ZMIZ1: variants seen among roughly 807,000 people sequenced by gnomAD.
ZMIZ1 encodes the protein zinc finger MIZ-type containing 1.
A neutral mutation model predicts 113.9 loss-of-function variants in ZMIZ1; 17 were observed. That is an observed-to-expected ratio of 0.15 (90% CI 0.10 to 0.22). The LOEUF (loss-of-function observed/expected upper bound fraction) is 0.22. Ranked by LOEUF, ZMIZ1 falls within the 10% of genes least tolerant of loss-of-function variation. The probability of loss-of-function intolerance (pLI) is 1.00; values close to 1 mark genes in which losing one functional copy is unlikely to be tolerated. For missense variants in ZMIZ1, 1,059 were observed against 1,477.8 expected (o/e 0.72, Z 4.65); for synonymous variants, 607 against 603.1 (o/e 1.01, Z -0.09).
At chr10:79,301,061 T>G in intron 17 of ZMIZ1, 119 bp downstream of exon 17, 7 of 1,411,194 alleles carry the variant, frequency 5.0e-6, no homozygotes, top group Non-Finnish European at 6.7e-6. Context: ...ACCACCCCCG[T>G]GCCCACAGCC....
At chr10:79,213,927 G>A (rs1169511563) in intron 6 of ZMIZ1, among the ~76,000 whole-genome samples, 1 of 152,134 alleles carries the variant, frequency 6.6e-6, no homozygotes, top group East Asian at 1.9e-4. Flanking sequence ...TATGTACGTG[G>A]GAGCCAGCAT....
At chr10:79,130,275 A>G (rs2132368407) in intron 2 of ZMIZ1, among the ~76,000 whole-genome samples, 1 of 152,332 alleles carries the variant, frequency 6.6e-6, no homozygotes, top group South Asian at 2.1e-4. Flanking sequence ...GAGCTCAGAA[A>G]GGCTGCCCAG....
chr10:79,297,731 G>A (rs1853996769), intron 14 of ZMIZ1, 41 bp downstream of exon 14: 1 of 1,575,058 alleles, frequency 6.3e-7, no homozygotes, highest in Non-Finnish European at 8.7e-7. Context: ...GCCACAGGGA[G>A]TTGTTGCCTC....
intron 3 of ZMIZ1, among the ~76,000 whole-genome samples, chr10:79,152,018 A>T (rs954688061): frequency 1.3e-5 from 2 of 152,196 alleles, no homozygotes; most frequent in Non-Finnish European, 2.9e-5. Context: ...TCTGTTTATA[A>T]GAGTTCAAAA....
At chr10:79,243,123 C>A (rs539873830) in intron 7 of ZMIZ1, among the ~76,000 whole-genome samples, 1 of 151,600 alleles carries the variant, frequency 6.6e-6, no homozygotes, top group East Asian at 1.9e-4. Context: ...TCCCTCCCCT[C>A]CCCCCGCCGC....
intron 1 of ZMIZ1, among the ~76,000 whole-genome samples, chr10:79,108,086 C>T (rs566152416): frequency 1.3e-5 from 2 of 152,320 alleles, no homozygotes; most frequent in East Asian, 1.9e-4. Context: ...CCAGCCCACC[C>T]GGAGACCCAT....
chr10:79,275,789 CTG>C (rs540669260), intron 7 of ZMIZ1, among the ~76,000 whole-genome samples: 266 of 152,352 alleles, frequency 1.7e-3, no homozygotes, highest in African/African-American at 5.8e-3. Flanking sequence ...CCTGCTGACT[CTG>C]GCTGTGGTTA....
At chr10:79,189,851 C>A (rs1459607886) in intron 4 of ZMIZ1, among the ~76,000 whole-genome samples, 1 of 152,206 alleles carries the variant, frequency 6.6e-6, no homozygotes, top group Admixed American at 6.5e-5. Flanking sequence ...CCAGCGTGTG[C>A]TTGGAGGGTT....
intron 3 of ZMIZ1, among the ~76,000 whole-genome samples, chr10:79,154,873 G>A (rs1036208327): frequency 1.3e-5 from 2 of 151,240 alleles, no homozygotes; most frequent in African/African-American, 4.9e-5. Flanking sequence ...ATCCCAGCAG[G>A]ACCCCAAGTC....
rs759659076 is a variant in ZMIZ1, at chr10:79,302,093, C to T, written c.2020-14C>T. 2.4e-5 allele frequency: 38 copies of T among 1,612,894 alleles called. No individual in the cohort carries two copies. The highest frequency in any genetic ancestry group is 2.9e-5 in the Non-Finnish European group (34 of 1,179,616). ...ACAGTGCACAGGAACTGAGTGTCTCCTCTCTCCCCGCAGTCCCACCTCTTC... is the reference window on the plus strand; with the variant it reads ...ACAGTGCACAGGAACTGAGTGTCTCTTCTCTCCCCGCAGTCCCACCTCTTC... On this transcript the variant is annotated splice_polypyrimidine_tract_variant and intron_variant, in intron 17 of 24. Coordinates refer to ENST00000334512, the MANE Select transcript of ZMIZ1 (RefSeq NM_020338.4).
At chr10:79,306,031 G>C in intron 21 of ZMIZ1, 69 bp from the exon 22 acceptor site, 1 of 1,565,552 alleles carries the variant, frequency 6.4e-7, no homozygotes, top group Non-Finnish European at 8.6e-7. Flanking sequence ...GTCTGTCGGA[G>C]CTGGAGGTGC....
intron 7 of ZMIZ1, among the ~76,000 whole-genome samples, chr10:79,246,306 AG>A (rs891016294): frequency 6.6e-5 from 10 of 152,228 alleles, no homozygotes; most frequent in African/African-American, 2.4e-4. Context: ...TGGTGCCAGT[AG>A]GCGTCAGTCC....
Position 79,314,367 on chromosome 10 carries a change from C to G in ZMIZ1, c.*1618C>G, listed in dbSNP as rs567315687. ...CCCGTCCGCTGTGGGTGGTCCCCAG[C>G]TCTCCTCTGTGGGTTTTACCGGAAA... On this transcript the variant is annotated 3_prime_UTR_variant, in exon 25 of 25. Transcript: ENST00000334512. The G allele has an allele frequency of 2.8e-4, 117 of 411,242 alleles. 1 individual carries two copies. Among genetic ancestry groups the G allele is most frequent in the South Asian group, 2.0e-3 (116 of 56,724 alleles). 25.5% of individuals were successfully genotyped at this position (411,242 alleles called of 1,614,324 possible).
rs146385076 is a variant in ZMIZ1, at chr10:79,306,148, G to A, written c.2472G>A (p.Pro824=). 2.9e-5 allele frequency: 47 copies of A among 1,613,762 alleles called. No homozygotes were observed. Among genetic ancestry groups the A allele is most frequent in the South Asian group, 1.9e-4 (17 of 91,086 alleles). ...VTIDPTCSWR[P]VPIKSDLHIK... ...TCGATCCCACGTGCAGCTGGCGGCCGGTGCCCATCAAGTCGGACTTACACA... is the reference window on the plus strand; with the variant it reads ...TCGATCCCACGTGCAGCTGGCGGCCAGTGCCCATCAAGTCGGACTTACACA... Residue 824 remains proline (P), a synonymous_variant, in exon 22 of 25, where the codon CCG becomes CCA. Transcript: ENST00000334512.
chr10:79,102,342 G>A (rs1006524948), intron 1 of ZMIZ1, among the ~76,000 whole-genome samples: 6 of 152,218 alleles, frequency 3.9e-5, no homozygotes, highest in African/African-American at 1.2e-4. Flanking sequence ...GCGCAGCAGC[G>A]TGACCTGAAT....
chr10:79,138,363 G>A (rs1406084623), intron 2 of ZMIZ1, among the ~76,000 whole-genome samples: 4 of 152,212 alleles, frequency 2.6e-5, no homozygotes, highest in African/African-American at 9.6e-5. Flanking sequence ...CCAGCCAAAA[G>A]GAGCCTGACC....
In ZMIZ1 at chr10:79,224,257, C is replaced by T. The variant is rs535119231; in HGVS notation, c.280+7983C>T. Reference sequence around the variant, plus strand: ...AGTAATGGCTCTATCTGGAGGGGGCCGGAGGGTGACTCTTTTCTTTGTTTC... The same window carrying T: ...AGTAATGGCTCTATCTGGAGGGGGCTGGAGGGTGACTCTTTTCTTTGTTTC... On this transcript the variant is annotated intron_variant, in intron 7 of 24. Coordinates refer to ENST00000334512, the MANE Select transcript of ZMIZ1 (RefSeq NM_020338.4). Among the ~76,000 whole-genome samples, 11 of 152,224 alleles carry T rather than the reference C, an allele frequency of 7.2e-5. No individual in the cohort carries two copies. The South Asian group carries it at 8.3e-4, about 11-fold the overall frequency.
intron 1 of ZMIZ1, among the ~76,000 whole-genome samples, chr10:79,071,243 C>A (rs942577293): frequency 6.6e-6 from 1 of 152,234 alleles, no homozygotes; most frequent in African/African-American, 2.4e-5. Context: ...CAGTTTGTCT[C>A]CCTGCTGCAA....
At position 79,313,638 on chromosome 10, in the gene ZMIZ1, C is replaced by T. The variant is rs1271475278; in HGVS notation, c.*889C>T. On this transcript the variant is annotated 3_prime_UTR_variant, in exon 25 of 25. Transcript: ENST00000334512. ...TGTCAGAAGCAAACAGGAGCGGCAACTTCTAACTTTGCTCCAAGCCACTCT... is the reference window on the plus strand; with the variant it reads ...TGTCAGAAGCAAACAGGAGCGGCAATTTCTAACTTTGCTCCAAGCCACTCT... 4.1e-6 allele frequency: 1 copy of T among 244,306 alleles called. No individual in the cohort carries two copies. The highest frequency in any genetic ancestry group is 8.1e-6 in the Non-Finnish European group (1 of 123,378). 15.1% of individuals were successfully genotyped at this position (244,306 alleles called of 1,614,324 possible).
Sources: allele counts gnomAD v4.1 joint callset (sites outside exome capture counted in the v4.1 genomes callset), GRCh38; gene constraint gnomAD v4.1.1; transcripts MANE v1.5; gene names NCBI Gene and HGNC (gene_info 2026-07-23, HGNC 2026-07-21).